DYNC1I2: variants seen among roughly 807,000 people sequenced by gnomAD.
DYNC1I2 encodes the protein cytoplasmic dynein 1 intermediate chain 2.
Under a neutral mutation model 88.6 loss-of-function variants are expected in DYNC1I2, and 53 were observed. The observed-to-expected ratio is 0.60, with a 90% CI of 0.48 to 0.75. The LOEUF (loss-of-function observed/expected upper bound fraction) is 0.75. Ranked by LOEUF, DYNC1I2 falls within the 30% of genes least tolerant of loss-of-function variation. The pLI is 0.00. For synonymous variants in DYNC1I2, 198 were observed against 254.6 expected (o/e 0.78, Z 2.12); for missense variants, 458 against 766.6 (o/e 0.60, Z 4.75).
chr2:171,735,943 T>C (rs971868840), intron 15 of DYNC1I2, among the ~76,000 whole-genome samples: 5 of 152,246 alleles, frequency 3.3e-5, no homozygotes, highest in African/African-American at 1.2e-4. Context: ...TTAAGATTGT[T>C]AATGTGGTAA....
At chr2:171,712,635 T>G (rs1354079248) in intron 5 of DYNC1I2, 132 bp from the exon 6 acceptor site, 9 of 642,472 alleles carry the variant, frequency 1.4e-5, no homozygotes, top group Non-Finnish European at 1.8e-5. Flanking sequence ...TTTTTTTTTT[T>G]TAATACTAAC....
At chr2:171,692,622 A>G (rs1685481038) in intron 2 of DYNC1I2, among the ~76,000 whole-genome samples, 155 bp from the exon 3 acceptor site, 1 of 152,298 alleles carries the variant, frequency 6.6e-6, no homozygotes, top group East Asian at 1.9e-4. Flanking sequence ...ATTGAGAATG[A>G]TTTTCATTTA....
Position 171,725,720 on chromosome 2 carries a change from T to C in DYNC1I2, c.607+7T>C, listed in dbSNP as rs774917127. 2.0e-6 allele frequency: 3 copies of C among 1,527,510 alleles called. No homozygotes were observed. The highest frequency in any genetic ancestry group is 2.5e-5 in the South Asian group (2 of 80,862). The allele number at this position is 1,527,510 out of a possible 1,614,324, so 94.6% of individuals were successfully genotyped here. A position where few individuals can be genotyped will look rare whatever the true frequency, so the allele number is the denominator to read the frequency against. ...GAGGAAAATGATAGTAAAGGTATCTTAAGGAATTAAACTTTAAAACATTTT... is the reference window on the plus strand; with the variant it reads ...GAGGAAAATGATAGTAAAGGTATCTCAAGGAATTAAACTTTAAAACATTTT... On this transcript the variant is annotated splice_region_variant and intron_variant, in intron 8 of 17. Coordinates refer to ENST00000397119, the MANE Select transcript of DYNC1I2 (RefSeq NM_001378.3).
At chr2:171,707,902 C>T (rs1686803121) in intron 5 of DYNC1I2, among the ~76,000 whole-genome samples, 1 of 152,140 alleles carries the variant, frequency 6.6e-6, no homozygotes, top group African/African-American at 2.4e-5. Context: ...TGTTTACTGT[C>T]AAGCATTCCT....
At chr2:171,726,995 C>A (rs1250686047) in intron 11 of DYNC1I2, 79 bp downstream of exon 11, 1 of 1,387,800 alleles carries the variant, frequency 7.2e-7, no homozygotes, top group Non-Finnish European at 9.5e-7. Context: ...TTTTTCTTTT[C>A]TTGTCAACAT....
chr2:171,730,391 A>G (rs1022025566), intron 15 of DYNC1I2, among the ~76,000 whole-genome samples: 21 of 152,322 alleles, frequency 1.4e-4, no homozygotes, highest in Non-Finnish European at 2.8e-4. Context: ...TTGTTATTCT[A>G]TGATAAGCAG....
At chr2:171,707,252 A>G (rs370743811) in intron 4 of DYNC1I2, 35 bp from the exon 5 acceptor site, 12 of 1,613,664 alleles carry the variant, frequency 7.4e-6, no homozygotes, top group East Asian at 2.2e-5. Context: ...CTCTCCGTGT[A>G]GTAACAGCGG....
rs567915241 is a variant in DYNC1I2 at position 171,718,508 on chromosome 2, A to C, written c.511+3065A>C. ...GAGTGCAGTGGCACGATCTTGGCTCACTGCAAGCTCCATCTCCCGGGTTCA... is the reference window on the plus strand; with the variant it reads ...GAGTGCAGTGGCACGATCTTGGCTCCCTGCAAGCTCCATCTCCCGGGTTCA... On this transcript the variant is annotated intron_variant, in intron 7 of 17. Transcript: ENST00000397119. Among the ~76,000 whole-genome samples the C allele has an allele frequency of 1.8e-3, 275 of 151,556 alleles. 4 individuals carry two copies. The highest frequency in any genetic ancestry group is 0.014 in the South Asian group (69 of 4,786).
chr2:171,698,296 T>G (rs1685937031), intron 3 of DYNC1I2, among the ~76,000 whole-genome samples: 2 of 152,200 alleles, frequency 1.3e-5, no homozygotes, highest in South Asian at 4.1e-4. Flanking sequence ...CCCTAAATGT[T>G]AGAAAAGCAG....
intron 5 of DYNC1I2, chr2:171,712,505 A>G: frequency 2.8e-6 from 1 of 359,850 alleles, no homozygotes; most frequent in Non-Finnish European, 5.0e-6. Context: ...AGTTTCCCAT[A>G]ATCTGCAAAT....
At chr2:171,701,422 G>T (rs1249304828) in intron 3 of DYNC1I2, among the ~76,000 whole-genome samples, 2 of 151,530 alleles carry the variant, frequency 1.3e-5, no homozygotes, top group Admixed American at 6.6e-5. Flanking sequence ...CACCCACCTG[G>T]TCCTCCCAAA....
At chr2:171,719,150 T>A (rs1313638215) in intron 7 of DYNC1I2, among the ~76,000 whole-genome samples, 1 of 151,994 alleles carries the variant, frequency 6.6e-6, no homozygotes, top group Non-Finnish European at 1.5e-5. Flanking sequence ...TAGTTACAGG[T>A]TGAGGTATAT....
chr2:171,702,630 G>A (rs1686351456), intron 3 of DYNC1I2, among the ~76,000 whole-genome samples: 1 of 151,194 alleles, frequency 6.6e-6, no homozygotes, highest in African/African-American at 2.4e-5. Flanking sequence ...TCAATCTATT[G>A]TTTTCCTAAA....
At chr2:171,729,659 T>C (rs1688479275) in intron 14 of DYNC1I2, 50 bp from the exon 15 acceptor site, 1 of 1,589,772 alleles carries the variant, frequency 6.3e-7, no homozygotes, top group Non-Finnish European at 8.6e-7. Flanking sequence ...TGTATGTAAT[T>C]GGTCTACTTA....
intron 3 of DYNC1I2, among the ~76,000 whole-genome samples, chr2:171,699,382 G>C (rs1373111796): frequency 1.3e-5 from 2 of 152,110 alleles, no homozygotes; most frequent in Admixed American, 1.3e-4. Flanking sequence ...AATGAAATTT[G>C]CCTTTGATTT....
chr2:171,723,464 G>A (rs1464700670), intron 7 of DYNC1I2, among the ~76,000 whole-genome samples: 2 of 152,182 alleles, frequency 1.3e-5, no homozygotes, highest in African/African-American at 4.8e-5. Context: ...AAGACAGCTT[G>A]TAAGTTAAAT....
At chr2:171,736,648 A>T (rs1294509432) in intron 15 of DYNC1I2, among the ~76,000 whole-genome samples, 1 of 152,178 alleles carries the variant, frequency 6.6e-6, no homozygotes, top group African/African-American at 2.4e-5. Flanking sequence ...CTCCTGGACG[A>T]TGCTTGAATG....
intron 10 of DYNC1I2, 186 bp downstream of exon 10, chr2:171,726,479 T>C: frequency 1.8e-6 from 1 of 565,670 alleles, no homozygotes; most frequent in Non-Finnish European, 2.9e-6. Flanking sequence ...AAGCATTATT[T>C]ATATTTAAAA....
chr2:171,728,943 T>C, intron 14 of DYNC1I2, 93 bp downstream of exon 14: 1 of 1,343,918 alleles, frequency 7.4e-7, no homozygotes, highest in Non-Finnish European at 1.0e-6. Flanking sequence ...CTGTCGTAGA[T>C]CTACTTGTTA....
Sources: allele counts gnomAD v4.1 joint callset (sites outside exome capture counted in the v4.1 genomes callset), GRCh38; gene constraint gnomAD v4.1.1; transcripts MANE v1.5; gene names NCBI Gene and HGNC (gene_info 2026-07-23, HGNC 2026-07-21).